Variants in PPCDC observed in about 807,000 individuals in gnomAD.
PPCDC encodes phosphopantothenoylcysteine decarboxylase.
A neutral mutation model predicts 20.7 loss-of-function variants in PPCDC; 20 were observed. That is an observed-to-expected ratio of 0.97 (90% CI 0.68 to 1.41). The LOEUF (loss-of-function observed/expected upper bound fraction) is 1.41. Among genes scored for constraint, PPCDC ranks in the 40% most tolerant of loss-of-function variants. The pLI is 0.00. For synonymous variants in PPCDC, 88 were observed against 100.3 expected (o/e 0.88, Z 0.73); for missense variants, 246 against 263.8 (o/e 0.93, Z 0.47).
At chr15:75,032,080 C>T (rs1244189756) in intron 2 of PPCDC, among the ~76,000 whole-genome samples, 3 of 152,098 alleles carry the variant, frequency 2.0e-5, no homozygotes, top group Non-Finnish European at 2.9e-5. Context: ...TTTGTTTTTC[C>T]CCCAGTGCCT....
intron 2 of PPCDC, among the ~76,000 whole-genome samples, chr15:75,039,219 G>C (rs553275868): frequency 6.6e-6 from 1 of 152,212 alleles, no homozygotes; most frequent in South Asian, 2.1e-4. Flanking sequence ...ATGTTTTGTT[G>C]GTGGACCTCT....
At chr15:75,034,076 G>C (rs1885381535) in intron 2 of PPCDC, among the ~76,000 whole-genome samples, 3 of 152,210 alleles carry the variant, frequency 2.0e-5, no homozygotes, top group Non-Finnish European at 4.4e-5. Context: ...CGGTGAGCTA[G>C]ATGGAGCCCT....
chr15:75,027,770 C>T (rs1397636813), intron 1 of PPCDC, among the ~76,000 whole-genome samples: 4 of 152,184 alleles, frequency 2.6e-5, no homozygotes, highest in Non-Finnish European at 5.9e-5. Context: ...GCATTCTGGC[C>T]TCACCCTGAC....
chr15:75,047,349 A>G (rs1319566299), intron 4 of PPCDC, among the ~76,000 whole-genome samples: 2 of 152,188 alleles, frequency 1.3e-5, no homozygotes, highest in Admixed American at 1.3e-4. Flanking sequence ...GGCTGATGCA[A>G]GCAGCCAGGT....
chr15:75,030,586 G>C (rs925700917), intron 2 of PPCDC, among the ~76,000 whole-genome samples: 1 of 152,160 alleles, frequency 6.6e-6, no homozygotes, highest in African/African-American at 2.4e-5. Flanking sequence ...CAGTGGTGGC[G>C]TCTATCCCTG....
chr15:75,043,944 C>T (rs529742613), intron 3 of PPCDC, among the ~76,000 whole-genome samples: 3 of 152,264 alleles, frequency 2.0e-5, no homozygotes, highest in Admixed American at 6.5e-5. Flanking sequence ...ATTCACCAGA[C>T]GCTGAGTGTG....
intron 2 of PPCDC, among the ~76,000 whole-genome samples, chr15:75,032,723 G>GCCCCC (rs1360595753): frequency 2.8e-4 from 13 of 46,244 alleles, no homozygotes; most frequent in South Asian, 2.7e-3. Flanking sequence ...TAGCAAACTG[G>GCCCCC]ACCCCCCCCC....
chr15:75,037,002 C>T (rs905407774), intron 2 of PPCDC, among the ~76,000 whole-genome samples: 1 of 152,128 alleles, frequency 6.6e-6, no homozygotes, highest in Non-Finnish European at 1.5e-5. Context: ...AAGGCCAGCA[C>T]TAGGCAAGGT....
rs8030961 is a variant in PPCDC at position 75,047,085 on chromosome 15, T to C, written c.361-1468T>C. On this transcript the variant is annotated intron_variant, in intron 4 of 5. Transcript: ENST00000342932. ...CCTGCCTGCTTTCGTGGGTTCAGAGTAGCTGAGGCTTGTCTGAGAGGAGTT... is the reference window on the plus strand; with the variant it reads ...CCTGCCTGCTTTCGTGGGTTCAGAGCAGCTGAGGCTTGTCTGAGAGGAGTT... 2.8e-3 allele frequency among the ~76,000 whole-genome samples: 419 copies of C among 152,308 alleles called. 1 individual carries two copies. Among genetic ancestry groups the C allele is most frequent in the African/African-American group, 8.8e-3 (365 of 41,560 alleles).
intron 2 of PPCDC, among the ~76,000 whole-genome samples, chr15:75,039,559 G>T (rs1184043816): frequency 6.6e-6 from 1 of 152,144 alleles, no homozygotes; most frequent in African/African-American, 2.4e-5. Context: ...TCACCTTTGT[G>T]GTACTCACTG....
At chr15:75,033,418 A>AG (rs34670868) in intron 2 of PPCDC, among the ~76,000 whole-genome samples, 1 of 152,322 alleles carries the variant, frequency 6.6e-6, no homozygotes, top group Admixed American at 6.5e-5. Flanking sequence ...ACCCTTGTGA[A>AG]GGGGGACCAG....
chr15:75,029,175 G>A (rs2141475824), intron 2 of PPCDC, among the ~76,000 whole-genome samples: 1 of 152,224 alleles, frequency 6.6e-6, no homozygotes, highest in East Asian at 1.9e-4. Context: ...CTTGGTCTTT[G>A]CGTGGCTGGG....
intron 4 of PPCDC, among the ~76,000 whole-genome samples, 155 bp from the exon 5 acceptor site, chr15:75,048,398 C>T (rs983783457): frequency 6.6e-6 from 1 of 152,212 alleles, no homozygotes; most frequent in Non-Finnish European, 1.5e-5. Flanking sequence ...GGAGACATAG[C>T]CCCCACCCCT....
At chr15:75,032,633 T>C (rs955078915) in intron 2 of PPCDC, among the ~76,000 whole-genome samples, 1 of 151,284 alleles carries the variant, frequency 6.6e-6, no homozygotes, top group South Asian at 2.1e-4. Flanking sequence ...TTGGCAATGA[T>C]TCAGAAAAAT....
intron 2 of PPCDC, among the ~76,000 whole-genome samples, chr15:75,035,136 C>T (rs1273165884): frequency 3.9e-5 from 6 of 152,188 alleles, no homozygotes; most frequent in African/African-American, 1.4e-4. Context: ...CAGGTAGGGC[C>T]GTTCCCATCA....
intron 2 of PPCDC, among the ~76,000 whole-genome samples, chr15:75,043,000 G>T (rs1259120192): frequency 6.6e-6 from 1 of 152,212 alleles, no homozygotes; most frequent in East Asian, 1.9e-4. Context: ...CAGCGCCTTG[G>T]CCTGCAGAGG....
chr15:75,032,679 C>G (rs144058817), intron 2 of PPCDC, among the ~76,000 whole-genome samples: 1 of 145,364 alleles, frequency 6.9e-6, no homozygotes, highest in Non-Finnish European at 1.5e-5. Context: ...GAGCAATCAT[C>G]AAGATGGAAG....
intron 2 of PPCDC, among the ~76,000 whole-genome samples, chr15:75,034,040 A>G (rs1455617536): frequency 6.6e-6 from 1 of 152,202 alleles, no homozygotes; most frequent in African/African-American, 2.4e-5. Context: ...GGGAAAGGTC[A>G]GGGTCACAGA....
chr15:75,028,308 C>T lies in PPCDC; in HGVS notation c.-11C>T, dbSNP rs1286548613. ...GGCAGGCTCCCAGAACTTGAAGCCA[C>T]CAGACCCCACATGGAACCAAAGGCC... On this transcript the variant is annotated 5_prime_UTR_variant, in exon 2 of 6. Coordinates refer to ENST00000342932, the MANE Select transcript of PPCDC (RefSeq NM_021823.5). 1.2e-6 allele frequency: 2 copies of T among 1,613,448 alleles called. No individual in the cohort carries two copies. The highest frequency in any genetic ancestry group is 1.7e-6 in the Non-Finnish European group (2 of 1,179,848).
Sources: allele counts gnomAD v4.1 joint callset (sites outside exome capture counted in the v4.1 genomes callset), GRCh38; gene constraint gnomAD v4.1.1; transcripts MANE v1.5; gene names NCBI Gene and HGNC (gene_info 2026-07-23, HGNC 2026-07-21).